The following ZNF276 variants were observed in gnomAD, a reference collection of about 807,000 sequenced individuals.
ZNF276 encodes the protein zinc finger protein 276.
Under a neutral mutation model 63.9 loss-of-function variants are expected in ZNF276, and 59 were observed. The ratio of observed to expected loss-of-function variants is 0.92; its 90% CI spans 0.75 to 1.15. ZNF276 has a LOEUF of 1.15. ZNF276 is among the 50% of genes most tolerant of loss of function. ZNF276 has a pLI of 0.00. For missense variants in ZNF276, 1,084 were observed against 843.8 expected (o/e 1.28, Z -3.53); for synonymous variants, 496 against 348.4 (o/e 1.42, Z -4.72).
chr16:89,723,519 C>A lies in ZNF276; in HGVS notation c.816C>A (p.Pro272=). 1.2e-6 allele frequency: 2 copies of A among 1,612,866 alleles called. No homozygotes were observed. The highest frequency in any genetic ancestry group is 2.2e-5 in the South Asian group (2 of 91,086). Residue 272 remains proline, a synonymous_variant, in exon 4 of 11, where the codon CCC becomes CCA. Transcript: ENST00000443381. ...PWDKETAPRL[P]QHRGWNPGDA... Reference sequence around the variant, plus strand: ...ACAAAGAGACGGCGCCACGGCTGCCCCAGCACCGAGGGTGGAACCCTGGGG... The same window carrying A: ...ACAAAGAGACGGCGCCACGGCTGCCACAGCACCGAGGGTGGAACCCTGGGG...
chr16:89,725,516 G>A (rs1010278933), intron 4 of ZNF276, among the ~76,000 whole-genome samples: 2 of 147,086 alleles, frequency 1.4e-5, no homozygotes, highest in Admixed American at 1.4e-4. Context: ...TTTAGGCCAA[G>A]TGCAGTGGTT....
At chr16:89,720,933 G>C (rs1489988594), upstream of ZNF276, 4 of 1,233,118 alleles carry the variant, frequency 3.2e-6, no homozygotes, top group Admixed American at 4.4e-5. Flanking sequence ...GAACGCAGCC[G>C]GCGCTGGTGC....
At chr16:89,733,783 A>T in intron 8 of ZNF276, 138 bp from the exon 9 acceptor site, 1 of 897,474 alleles carries the variant, frequency 1.1e-6, no homozygotes, top group South Asian at 1.6e-5. Context: ...CTTGGAGTGA[A>T]GCTGTGAAGG....
chr16:89,723,962 C>T (rs1047452698), intron 4 of ZNF276, among the ~76,000 whole-genome samples: 5 of 152,234 alleles, frequency 3.3e-5, no homozygotes, highest in Admixed American at 1.3e-4. Context: ...GAGACACGCT[C>T]ATCAGCCGTC....
At position 89,728,681 on chromosome 16, in the gene ZNF276, T is replaced by C. The variant is rs572386395; in HGVS notation, c.1086-554T>C. Among the ~76,000 whole-genome samples the C allele has an allele frequency of 6.8e-4, 103 of 152,024 alleles. 1 individual carries two copies. The highest frequency in any genetic ancestry group is 1.4e-3 in the Admixed American group (22 of 15,262). On this transcript the variant is annotated intron_variant, in intron 5 of 10. Coordinates refer to ENST00000443381, the MANE Select transcript of ZNF276 (RefSeq NM_001113525.2). ...CCTCCCAAAGTGCTGGGATTACAGG[T>C]GTTAGCCACCGCACCCGGCCAATTT...
chr16:89,733,826 C>T (rs1567581184), intron 8 of ZNF276, 95 bp from the exon 9 acceptor site: 1 of 1,181,740 alleles, frequency 8.5e-7, no homozygotes. Flanking sequence ...GGAGTTGGAT[C>T]TGCCTTCCAG....
chr16:89,721,393 G>T (rs537096860), upstream of ZNF276: 120 of 383,934 alleles, frequency 3.1e-4, 1 homozygote, highest in Admixed American at 1.5e-3. Context: ...ACAGAGGCGG[G>T]CACGGCCGCC....
At chr16:89,735,118 G>GAGAC (rs1004895771) in intron 9 of ZNF276, among the ~76,000 whole-genome samples, 4 of 152,036 alleles carry the variant, frequency 2.6e-5, no homozygotes, top group Non-Finnish European at 5.9e-5. Context: ...GGGCAACAGT[G>GAGAC]AGACACTGTC....
chr16:89,736,115 T>A (rs2061870719), intron 9 of ZNF276, among the ~76,000 whole-genome samples: 1 of 152,118 alleles, frequency 6.6e-6, no homozygotes. Context: ...CTGGTCTCAA[T>A]CTCCTGACCT....
rs2061358744 is a variant in ZNF276 at position 89,723,140 on chromosome 16, C to T, written c.513C>T (p.Val171=). Residue 171 remains valine, a synonymous_variant, in exon 3 of 11, where the codon GTC becomes GTT. Transcript: ENST00000443381. ...TGGCCACACTGATCCTTTGCAGGGT[C>T]GGTGCCCAGCCCCCAACAGGGGCAG... ...PAGRRKPCAK[V]GAQPPTGAEE... 1.2e-6 allele frequency: 2 copies of T among 1,613,190 alleles called. No individual in the cohort carries two copies. Among genetic ancestry groups the T allele is most frequent in the Non-Finnish European group, 1.7e-6 (2 of 1,180,036 alleles).
intron 4 of ZNF276, among the ~76,000 whole-genome samples, chr16:89,725,706 G>A (rs983141217): frequency 2.6e-5 from 4 of 151,980 alleles, no homozygotes; most frequent in Admixed American, 6.5e-5. Flanking sequence ...CAGGAGAATC[G>A]CTTGACCCTG....
In ZNF276 at chr16:89,738,671, C is replaced by T. The variant is rs747310276; in HGVS notation, c.*425C>T. ...CTGCTGTCTGCTCTGGAGGGCGGCG[C>T]TCACCTCTGGGTCGCAGTCCCCACG... is the stretch of plus-strand genomic sequence containing the variant. On this transcript the variant is annotated 3_prime_UTR_variant, in exon 11 of 11. Coordinates refer to ENST00000443381, the MANE Select transcript of ZNF276 (RefSeq NM_001113525.2). The T allele has an allele frequency of 8.1e-6, 13 of 1,613,792 alleles. No individual in the cohort carries two copies. The South Asian group carries it at 1.4e-4, about 18-fold the overall frequency.
chr16:89,738,510 A>T lies in ZNF276; in HGVS notation c.*264A>T. 1 of 1,580,174 alleles carries T rather than the reference A, an allele frequency of 6.3e-7. No individual in the cohort carries two copies. The highest frequency in any genetic ancestry group is 2.2e-5 in the East Asian group (1 of 44,720). ...CACTAAAGCAGTCGAGGAGATTTGT[A>T]ATCCACTTTTTAGTGCAACAAGAGC... On this transcript the variant is annotated 3_prime_UTR_variant, in exon 11 of 11. Coordinates refer to ENST00000443381, the MANE Select transcript of ZNF276 (RefSeq NM_001113525.2).
Position 89,738,063 on chromosome 16 carries a change from T to C in ZNF276, c.1662T>C (p.Phe554=), listed in dbSNP as rs746256702. The C allele has an allele frequency of 3.0e-5, 49 of 1,614,158 alleles. No individual in the cohort carries two copies. Among genetic ancestry groups the C allele is most frequent in the Non-Finnish European group, 3.7e-5 (44 of 1,180,046 alleles). ...TKHKAETELD[F]ACDQCGRRFE... ...ACAAGGCTGAGACTGAGCTGGACTT[T>C]GCCTGTGACCAGTGTGGCCGGCGGT... The change falls in exon 11 of 11, where the codon TTT becomes TTC. Residue 554 remains phenylalanine, a synonymous_variant. Coordinates refer to ENST00000443381, the MANE Select transcript of ZNF276 (RefSeq NM_001113525.2).
At chr16:89,733,829 C>T in intron 8 of ZNF276, 92 bp from the exon 9 acceptor site, 1 of 1,216,608 alleles carries the variant, frequency 8.2e-7, no homozygotes, top group South Asian at 1.3e-5. Flanking sequence ...GTTGGATCTG[C>T]CTTCCAGGGG....
At chr16:89,725,509 A>G (rs1251384853) in intron 4 of ZNF276, among the ~76,000 whole-genome samples, 1 of 146,658 alleles carries the variant, frequency 6.8e-6, no homozygotes, top group Non-Finnish European at 1.5e-5. Context: ...AACTTATTTT[A>G]GGCCAAGTGC....
intron 1 of ZNF276, among the ~76,000 whole-genome samples, 173 bp downstream of exon 1, chr16:89,722,018 G>A (rs2061302266): frequency 6.6e-6 from 1 of 152,080 alleles, no homozygotes; most frequent in Non-Finnish European, 1.5e-5. Context: ...TTTTCCTCGC[G>A]CTCCGTGACG....
Position 89,738,043 on chromosome 16 carries a change from G to A in ZNF276, c.1642G>A (p.Ala548Thr). The change falls in exon 11 of 11, where the codon GCT (alanine) becomes ACT (threonine). Residue 548 changes from alanine to threonine, a missense_variant. Coordinates refer to ENST00000443381, the MANE Select transcript of ZNF276 (RefSeq NM_001113525.2). ...SLKYHMTKHK[A>T]ETELDFACDQ... ...CAAGTACCACATGACCAAACACAAG[G>A]CTGAGACTGAGCTGGACTTTGCCTG... The A allele has an allele frequency of 6.2e-7, 1 of 1,614,156 alleles. No individual in the cohort carries two copies. The highest frequency in any genetic ancestry group is 8.5e-7 in the Non-Finnish European group (1 of 1,180,054).
chr16:89,723,316 G>T lies in ZNF276; in HGVS notation c.613G>T (p.Gly205Ter). Reference protein sequence around the residue: ...CLHGLVGWVHGHAASCGALPH... With the variant: ...CLHGLVGWVH ...GCACGGCTTGGTGGGGTGGGTGCAT[G>T]GACATGCGGCCAGCTGCGGGGCCCT... Residue 205 changes from glycine to a stop codon, truncating the protein, a stop_gained, in exon 4 of 11, where the codon GGA becomes TGA. Coordinates refer to ENST00000443381, the MANE Select transcript of ZNF276 (RefSeq NM_001113525.2). LOFTEE classifies it high-confidence loss of function. 2.5e-6 allele frequency: 4 copies of T among 1,613,038 alleles called. No individual in the cohort carries two copies. The highest frequency in any genetic ancestry group is 3.4e-6 in the Non-Finnish European group (4 of 1,180,024).
Sources: allele counts gnomAD v4.1 joint callset (sites outside exome capture counted in the v4.1 genomes callset), GRCh38; gene constraint gnomAD v4.1.1; transcripts MANE v1.5; gene names NCBI Gene and HGNC (gene_info 2026-07-23, HGNC 2026-07-21).